The following GFRA2 variants were observed in gnomAD, a reference collection of about 807,000 sequenced individuals.
GFRA2 encodes GDNF family receptor alpha-2.
GFRA2 carries 17 observed loss-of-function variants against 48.3 expected under a neutral mutation model. That is an observed-to-expected ratio of 0.35 (90% CI 0.24 to 0.53). GFRA2 has a LOEUF of 0.53. Ranked by LOEUF, GFRA2 falls within the 20% of genes least tolerant of loss-of-function variation. The probability of loss-of-function intolerance (pLI) is 0.93; values close to 1 mark genes in which losing one functional copy is unlikely to be tolerated. For missense variants in GFRA2, 660 were observed against 637.3 expected, an observed-to-expected ratio of 1.04 and a Z score of -0.38; for synonymous variants, 305 against 257.2, an observed-to-expected ratio of 1.19 and a Z score of -1.78.
chr8:21,783,899 T>C (rs1373826071), intron 1 of GFRA2, among the ~76,000 whole-genome samples: 15 of 152,052 alleles, frequency 9.9e-5, no homozygotes, highest in Admixed American at 1.3e-4. Context: ...TCAATGGCCT[T>C]GTTTTTTTCT....
At chr8:21,707,281 C>T (rs896314801) in intron 4 of GFRA2, among the ~76,000 whole-genome samples, 6 of 152,194 alleles carry the variant, frequency 3.9e-5, no homozygotes, top group Non-Finnish European at 7.3e-5. Context: ...AAGCCATCTC[C>T]GAGTTCACCA....
chr8:21,776,037 G>GTGTGTA (rs549952048), intron 2 of GFRA2, among the ~76,000 whole-genome samples: 6,083 of 139,696 alleles, frequency 0.044, 284 homozygotes, highest in African/African-American at 0.087. Context: ...GTGTGTGTGT[G>GTGTGTA]TGTAGTGAAA....
intron 1 of GFRA2, among the ~76,000 whole-genome samples, chr8:21,807,121 G>A (rs1284559884): frequency 2.0e-5 from 3 of 152,174 alleles, no homozygotes; most frequent in Non-Finnish European, 4.4e-5. Flanking sequence ...CTGCTGCTAT[G>A]GTTTGAATGT....
intron 7 of GFRA2, among the ~76,000 whole-genome samples, chr8:21,702,469 G>A (rs959435372): frequency 2.6e-5 from 4 of 152,156 alleles, no homozygotes; most frequent in Non-Finnish European, 5.9e-5. Flanking sequence ...GACCCTAGGA[G>A]CCTGCTGCCC....
At chr8:21,810,914 C>T (rs1807966458) in intron 1 of GFRA2, among the ~76,000 whole-genome samples, 1 of 152,204 alleles carries the variant, frequency 6.6e-6, no homozygotes, top group Non-Finnish European at 1.5e-5. Flanking sequence ...AGTCACATTT[C>T]CCAGCAACTC....
intron 4 of GFRA2, among the ~76,000 whole-genome samples, chr8:21,716,621 T>C (rs1803349779): frequency 6.6e-6 from 1 of 152,176 alleles, no homozygotes; most frequent in South Asian, 2.1e-4. Context: ...GGCCTTGAGA[T>C]TGGGCTCCTC....
In GFRA2 at chr8:21,702,944, T is replaced by C. The variant is rs1042168415; in HGVS notation, c.1079A>G (p.Asp360Gly). ...NAIQAFGNGT[D>G]VNVSPKGPSF... ...GGGGCCTTTTGGGGACACGTTCACG[T>C]CCGTGCCGTTGCCAAAGGCCTGGAT... Residue 360 changes from aspartate (D) to glycine (G), a missense_variant, in exon 7 of 9, where the codon GAC becomes GGC. By Grantham distance (94) the Asp-to-Gly change is moderately conservative. Transcript: ENST00000524240. 26 of 1,551,924 alleles carry C rather than the reference T, an allele frequency of 1.7e-5. No individual in the cohort carries two copies. Among genetic ancestry groups the C allele is most frequent in the Non-Finnish European group, 2.3e-5 (26 of 1,155,148 alleles).
intron 7 of GFRA2, among the ~76,000 whole-genome samples, chr8:21,694,924 G>C (rs1802081578): frequency 6.6e-6 from 1 of 152,200 alleles, no homozygotes; most frequent in Admixed American, 6.5e-5. Context: ...ATGAATGAAT[G>C]AATGAATGTC....
At chr8:21,763,572 A>G (rs1806011450) in intron 3 of GFRA2, among the ~76,000 whole-genome samples, 1 of 151,870 alleles carries the variant, frequency 6.6e-6, no homozygotes, top group South Asian at 2.1e-4. Context: ...TTAGCTCCCC[A>G]CTGCCGTAGT....
chr8:21,789,023 G>A (rs1380438625), upstream of GFRA2, among the ~76,000 whole-genome samples: 1 of 97,408 alleles, frequency 1.0e-5, no homozygotes, highest in African/African-American at 9.2e-5. Flanking sequence ...GCTCCCAGGC[G>A]GCTGGCGGCG....
chr8:21,723,010 G>A (rs1481026739), intron 4 of GFRA2, among the ~76,000 whole-genome samples: 1 of 152,142 alleles, frequency 6.6e-6, no homozygotes, highest in Non-Finnish European at 1.5e-5. Flanking sequence ...GCAGTCACTG[G>A]GTCCCTCTGG....
In GFRA2 at chr8:21,750,984, A is replaced by G. The variant is rs759133266; in HGVS notation, c.440-42T>C. 57 of 1,357,282 alleles carry G rather than the reference A, an allele frequency of 4.2e-5. No homozygotes were observed. The African/African-American group carries it at 7.0e-4, about 17-fold the overall frequency. 84.1% of individuals were successfully genotyped at this position (1,357,282 alleles called of 1,614,324 possible). On this transcript the variant is annotated intron_variant, in intron 3 of 8. Coordinates refer to ENST00000524240, the MANE Select transcript of GFRA2 (RefSeq NM_001495.5). This position sits in a 1 kb window ranked among gnomAD's most constrained non-coding sequence, Gnocchi z 5.7. ...AGAGCAGGTCAGAGGCCACACAAGC[A>G]TGAGGAGGACACAGCTGCCCCCTCA...
chr8:21,720,494 G>A (rs1019061374), intron 4 of GFRA2, among the ~76,000 whole-genome samples: 5 of 152,152 alleles, frequency 3.3e-5, no homozygotes, highest in African/African-American at 1.2e-4. Flanking sequence ...TCTAGTCTAA[G>A]TCCCTGAAGG....
intron 3 of GFRA2, among the ~76,000 whole-genome samples, chr8:21,756,426 G>C (rs1805572388): frequency 6.6e-6 from 1 of 152,192 alleles, no homozygotes; most frequent in Admixed American, 6.5e-5. Context: ...GCGGGCCTGG[G>C]CTCTGAGGCT....
intron 4 of GFRA2, among the ~76,000 whole-genome samples, chr8:21,748,361 A>T (rs1374733369): frequency 6.6e-6 from 1 of 152,130 alleles, no homozygotes; most frequent in African/African-American, 2.4e-5. Context: ...CCATTCAACT[A>T]ACCTTATGGA....
At chr8:21,706,150 A>G (rs1371360093) in intron 4 of GFRA2, 109 bp from the exon 5 acceptor site, 4 of 708,946 alleles carry the variant, frequency 5.6e-6, no homozygotes, top group Non-Finnish European at 7.3e-6. Flanking sequence ...CCCAGGGTGG[A>G]AGAAGCCAGG....
Position 21,788,374 on chromosome 8 carries a change from C to G in GFRA2, c.-215G>C. ...AGAGGCGGGCGATGGGCTGCTGCCTCTCGACGCCCCCCTTGCCCGCTACAA... is the reference window on the plus strand; with the variant it reads ...AGAGGCGGGCGATGGGCTGCTGCCTGTCGACGCCCCCCTTGCCCGCTACAA... On this transcript the variant is annotated 5_prime_UTR_variant, in exon 1 of 9. Coordinates refer to ENST00000524240, the MANE Select transcript of GFRA2 (RefSeq NM_001495.5). 1 of 1,343,636 alleles carries G rather than the reference C, an allele frequency of 7.4e-7. No homozygotes were observed. Among genetic ancestry groups the G allele is most frequent in the Non-Finnish European group, 9.5e-7 (1 of 1,053,036 alleles). 83.2% of individuals were successfully genotyped at this position (1,343,636 alleles called of 1,614,324 possible).
upstream of GFRA2, among the ~76,000 whole-genome samples, chr8:21,793,618 G>A (rs1807617287): frequency 2.0e-5 from 3 of 152,286 alleles, no homozygotes; most frequent in Admixed American, 2.0e-4. Flanking sequence ...ATTTTCAAGT[G>A]AGAGAGGAGA....
upstream of GFRA2, among the ~76,000 whole-genome samples, chr8:21,789,743 C>T (rs1481584324): frequency 6.6e-6 from 1 of 150,844 alleles, no homozygotes; most frequent in African/African-American, 2.4e-5. Flanking sequence ...CCCGCCCCGG[C>T]CTCCACCCCT....
Sources: allele counts gnomAD v4.1 joint callset (sites outside exome capture counted in the v4.1 genomes callset), GRCh38; gene constraint gnomAD v4.1.1; non-coding constraint Gnocchi (gnomAD v3.1); transcripts MANE v1.5; gene names NCBI Gene and HGNC (gene_info 2026-07-23, HGNC 2026-07-21).